AVEN: variants seen among roughly 807,000 people sequenced by gnomAD.
AVEN encodes cell death regulator Aven.
AVEN carries 41 observed loss-of-function variants against 38.1 expected under a neutral mutation model. That is an observed-to-expected ratio of 1.08 (90% CI 0.84 to 1.40). The LOEUF is 1.40. AVEN is among the 40% of genes most tolerant of loss of function. The pLI is 0.00. For missense variants in AVEN, 605 were observed against 438.8 expected (o/e 1.38, Z -3.38); for synonymous variants, 206 against 171.8 (o/e 1.20, Z -1.56).
intron 2 of AVEN, among the ~76,000 whole-genome samples, chr15:33,921,910 A>G (rs1173486428): frequency 6.6e-6 from 1 of 152,120 alleles, no homozygotes; most frequent in African/African-American, 2.4e-5. Context: ...CCTACAGTTC[A>G]TTTCTCCTTA....
chr15:33,969,126 T>C (rs954191477), intron 2 of AVEN: 25 of 152,238 alleles, frequency 1.6e-4, no homozygotes, highest in African/African-American at 6.0e-4. Context: ...TTCAAATTAC[T>C]GAGCTTCAAA....
At chr15:34,010,069 T>C (rs1200551827) in intron 1 of AVEN, among the ~76,000 whole-genome samples, 2 of 151,704 alleles carry the variant, frequency 1.3e-5, no homozygotes, top group South Asian at 4.2e-4. Flanking sequence ...GAAGGGAGAA[T>C]AGAAAGTTTA....
At chr15:33,863,965 G>C (rs1185587110), downstream of AVEN, among the ~76,000 whole-genome samples, 2 of 152,162 alleles carry the variant, frequency 1.3e-5, no homozygotes, top group African/African-American at 4.8e-5. Context: ...ATTCATGTGT[G>C]CTACTATTAG....
At chr15:33,864,239 C>CTTGAGACT, downstream of AVEN, 1 of 1,445,350 alleles carries the variant, frequency 6.9e-7, no homozygotes, top group Non-Finnish European at 9.6e-7. Flanking sequence ...TTTCCTAAAT[C>CTTGAGACT]TTGAGACTTA....
At chr15:33,868,772 G>C (rs55846435) in intron 4 of AVEN, among the ~76,000 whole-genome samples, 4,941 of 152,254 alleles carry the variant, frequency 0.032, 159 homozygotes, top group Non-Finnish European at 0.039. Context: ...TTTGGGGAGA[G>C]AGTGACGTGG....
chr15:33,933,512 C>T (rs1471079785), intron 2 of AVEN, among the ~76,000 whole-genome samples: 1 of 120,150 alleles, frequency 8.3e-6, no homozygotes, highest in Non-Finnish European at 1.8e-5. Flanking sequence ...CACACACACA[C>T]ACACACACAC....
downstream of AVEN, among the ~76,000 whole-genome samples, chr15:33,862,738 G>C (rs146744970): frequency 7.7e-3 from 1,167 of 152,204 alleles, 5 homozygotes; most frequent in Non-Finnish European, 0.012. Flanking sequence ...AGCCTCCTGA[G>C]TAGCTGGGAC....
chr15:33,869,611 A>G (rs1021685065), intron 4 of AVEN, among the ~76,000 whole-genome samples: 1 of 152,128 alleles, frequency 6.6e-6, no homozygotes, highest in Non-Finnish European at 1.5e-5. Context: ...GGCAAATGTA[A>G]TTCTTTCTAG....
intron 2 of AVEN, among the ~76,000 whole-genome samples, chr15:33,946,343 CAGTT>C (rs1417311702): frequency 1.3e-5 from 2 of 152,112 alleles, no homozygotes; most frequent in African/African-American, 2.4e-5. Flanking sequence ...TCAGAAAGAG[CAGTT>C]AGTCACTCCC....
At chr15:33,960,162 G>A (rs1895107942) in intron 2 of AVEN, among the ~76,000 whole-genome samples, 1 of 152,162 alleles carries the variant, frequency 6.6e-6, no homozygotes, top group African/African-American at 2.4e-5. Flanking sequence ...CTACAAACCA[G>A]ATACACGAAC....
intron 2 of AVEN, among the ~76,000 whole-genome samples, chr15:33,900,644 G>A (rs1032044669): frequency 4.0e-5 from 6 of 151,144 alleles, no homozygotes; most frequent in African/African-American, 9.7e-5. Flanking sequence ...AAAACTGATC[G>A]CATAGCAAAA....
chr15:33,882,131 A>C (rs1891511159), intron 2 of AVEN, among the ~76,000 whole-genome samples: 1 of 152,228 alleles, frequency 6.6e-6, no homozygotes, highest in Non-Finnish European at 1.5e-5. Flanking sequence ...TTGTGTACTT[A>C]TATAATATCC....
intron 2 of AVEN, among the ~76,000 whole-genome samples, chr15:33,920,795 T>G (rs1893364294): frequency 6.6e-6 from 1 of 152,168 alleles, no homozygotes; most frequent in Admixed American, 6.5e-5. Context: ...AGATGAAGTC[T>G]TGCTCTGTTG....
chr15:33,859,246 T>C (rs1290448933), intron 11 of AVEN, among the ~76,000 whole-genome samples: 1 of 152,224 alleles, frequency 6.6e-6, no homozygotes, highest in Non-Finnish European at 1.5e-5. Flanking sequence ...CTAACACTCT[T>C]AAAATTAAAT....
chr15:33,860,642 G>T, intron 11 of AVEN: 1 of 1,593,770 alleles, frequency 6.3e-7, no homozygotes, highest in East Asian at 2.2e-5. Flanking sequence ...GCAGGAACAA[G>T]TACGAGAAGA....
chr15:34,003,087 A>C lies in AVEN; in HGVS notation c.390T>G (p.Asn130Lys). The change falls in exon 2 of 6, where the codon AAT (asparagine) becomes AAG (lysine). Residue 130 changes from asparagine (N) to lysine (K), a missense_variant. By Grantham distance (94) the Asn-to-Lys change is moderately conservative. Coordinates refer to ENST00000306730, the MANE Select transcript of AVEN (RefSeq NM_020371.3). ...RYQDIEKEVN[N>K]ESGESQRGTD... The stretch of plus-strand genomic sequence containing the variant: ...TTCCCCTCTGTGACTCTCCACTTTC[A>C]TTATTGACCTCTTTTTCAATATCTT... 6.2e-7 allele frequency: 1 copy of C among 1,613,988 alleles called. No individual in the cohort carries two copies. Among genetic ancestry groups the C allele is most frequent in the Non-Finnish European group, 8.5e-7 (1 of 1,179,916 alleles).
At position 33,896,282 on chromosome 15, in the gene AVEN, C is replaced by A. The variant is rs1892229401; in HGVS notation, c.446-20287G>T. ...GAATGATCAGTCAATCAAAATAATG[C>A]CAGAACTGACACAGATATGAAATTA... is the stretch of plus-strand genomic sequence containing the variant. On this transcript the variant is annotated intron_variant, in intron 2 of 5. Coordinates refer to ENST00000306730, the MANE Select transcript of AVEN (RefSeq NM_020371.3). Among the ~76,000 whole-genome samples, 3 of 152,086 alleles carry A rather than the reference C, an allele frequency of 2.0e-5. No individual in the cohort carries two copies. The South Asian group carries it at 6.2e-4, about 32-fold the overall frequency.
In AVEN at chr15:33,986,111, GTTTTTT is replaced by G. The variant is rs1364245668; in HGVS notation, c.445+16915_445+16920del. Reference sequence around the variant, plus strand: ...CTGTAAATTTTTTTTTTTGTTTTTTGTTTTTTGTTTTTTGAGATGGACTCTCGCTCT... The same window carrying G: ...CTGTAAATTTTTTTTTTTGTTTTTTGGTTTTTTGAGATGGACTCTCGCTCT... On this transcript the variant is annotated intron_variant, in intron 2 of 5. Coordinates refer to ENST00000306730, the MANE Select transcript of AVEN (RefSeq NM_020371.3). Among the ~76,000 whole-genome samples the G allele has an allele frequency of 4.1e-3, 11 of 2,704 alleles. No homozygotes were observed. The East Asian group carries it at 0.28, about 68-fold the overall frequency. The allele number at this position is 2,704 out of a possible 152,430, so 1.8% of individuals were successfully genotyped here.
At chr15:33,865,498 T>G, downstream of AVEN, 1 of 392,874 alleles carries the variant, frequency 2.5e-6, no homozygotes, top group South Asian at 3.9e-5. Context: ...TTTCCAGTTC[T>G]GAGGTAACTA....
Sources: allele counts gnomAD v4.1 joint callset (sites outside exome capture counted in the v4.1 genomes callset), GRCh38; gene constraint gnomAD v4.1.1; transcripts MANE v1.5; gene names NCBI Gene and HGNC (gene_info 2026-07-23, HGNC 2026-07-21).